The following GUCA1B variants were observed in gnomAD, a reference collection of about 807,000 sequenced individuals.
GUCA1B encodes guanylate cyclase activator 1B, also known as guanylyl cyclase-activating protein 2.
In GUCA1B, 22 loss-of-function variants were observed where a neutral mutation model predicts 24.2. The ratio of observed to expected loss-of-function variants is 0.91; its 90% CI spans 0.65 to 1.30. The LOEUF is 1.30. GUCA1B is among the 50% of genes most tolerant of loss of function. The pLI is 0.00. For missense variants in GUCA1B, 221 were observed against 258.8 expected (o/e 0.85, Z 1.00); for synonymous variants, 100 against 97.9 (o/e 1.02, Z -0.13).
intron 1 of GUCA1B, among the ~76,000 whole-genome samples, chr6:42,193,707 G>A (rs1345255055): frequency 6.6e-6 from 1 of 152,180 alleles, no homozygotes; most frequent in East Asian, 1.9e-4. Flanking sequence ...CTGTGGGGAC[G>A]TGCACTGACT....
chr6:42,190,092 CA>C (rs1177243873), intron 1 of GUCA1B, among the ~76,000 whole-genome samples: 2 of 152,150 alleles, frequency 1.3e-5, no homozygotes, highest in Non-Finnish European at 2.9e-5. Context: ...CCTCAGTGAA[CA>C]AGGTTTGAGC....
chr6:42,188,805 C>T, intron 1 of GUCA1B, 74 bp from the exon 2 acceptor site: 2 of 1,415,114 alleles, frequency 1.4e-6, no homozygotes, highest in East Asian at 2.4e-5. Flanking sequence ...CCTGCAAACA[C>T]AGGGCTTCTC....
chr6:42,194,926 G>C lies in GUCA1B; in HGVS notation c.-106C>G. The C allele has an allele frequency of 1.2e-6, 1 of 804,046 alleles. No individual in the cohort carries two copies. The highest frequency in any genetic ancestry group is 2.1e-6 in the Non-Finnish European group (1 of 477,948). The allele number at this position is 804,046 out of a possible 1,614,324, so 49.8% of individuals were successfully genotyped here. A position where few individuals can be genotyped will look rare whatever the true frequency, so the allele number is the denominator to read the frequency against. On this transcript the variant is annotated 5_prime_UTR_variant, in exon 1 of 4. It adds an upstream start codon to the 5' untranslated region. Coordinates refer to ENST00000230361, the MANE Select transcript of GUCA1B (RefSeq NM_002098.6). ...CTCTTCCTCCCTTTCCAGGAGGCCT[G>C]ATCAGCCTCTCCATCATCTCCTGGG... is the stretch of plus-strand genomic sequence containing the variant.
At chr6:42,187,190 C>T (rs1768206706) in intron 2 of GUCA1B, among the ~76,000 whole-genome samples, 1 of 151,898 alleles carries the variant, frequency 6.6e-6, no homozygotes, top group African/African-American at 2.4e-5. Flanking sequence ...CTGCAAGCTC[C>T]GCCTCCCAGG....
rs140874488 is a variant in GUCA1B at position 42,183,709 on chromosome 6, A to G, written c.*1106T>C. 4.4e-4 allele frequency among the ~76,000 whole-genome samples: 67 copies of G among 152,290 alleles called. No individual in the cohort carries two copies. Among genetic ancestry groups the G allele is most frequent in the African/African-American group, 1.5e-3 (63 of 41,558 alleles). On this transcript the variant is annotated 3_prime_UTR_variant, in exon 4 of 4. Coordinates refer to ENST00000230361, the MANE Select transcript of GUCA1B (RefSeq NM_002098.6). ...CACAATCCCAGTCAACAGTCCCCCA[A>G]TTCTTGCCAGAGACAGACAGAAGTT...
chr6:42,184,852 C>G lies in GUCA1B; in HGVS notation c.566G>C (p.Trp189Ser). 2 of 1,614,092 alleles carry G rather than the reference C, an allele frequency of 1.2e-6. No homozygotes were observed. The highest frequency in any genetic ancestry group is 1.7e-6 in the Non-Finnish European group (2 of 1,179,976). The stretch of plus-strand genomic sequence containing the variant: ...ACTTTTCCGTCTCTGCTGAGCGAGC[C>G]AGCTGCTGGGATTCATGTCCATCTG... ...MLQMDMNPSS[W>S]LAQQRRKSAM... The change falls in exon 4 of 4, where the codon TGG becomes TCG. Residue 189 changes from tryptophan to serine, a missense_variant. Coordinates refer to ENST00000230361, the MANE Select transcript of GUCA1B (RefSeq NM_002098.6).
chr6:42,184,364 T>C lies in GUCA1B; in HGVS notation c.*451A>G, dbSNP rs886061395. The C allele has an allele frequency of 8.8e-5, 23 of 261,910 alleles. No homozygotes were observed. The Admixed American group carries it at 1.1e-3, about 12-fold the overall frequency. 16.2% of individuals were successfully genotyped at this position (261,910 alleles called of 1,614,324 possible). A position where few individuals can be genotyped will look rare whatever the true frequency, so the allele number is the denominator to read the frequency against. On this transcript the variant is annotated 3_prime_UTR_variant, in exon 4 of 4. Transcript: ENST00000230361. ...CCTCGGCCTCCCAAAGTGCTGGGATTACAGGCGTGAGCCACCGTGCCCGGC... is the reference window on the plus strand; with the variant it reads ...CCTCGGCCTCCCAAAGTGCTGGGATCACAGGCGTGAGCCACCGTGCCCGGC...
At position 42,194,613 on chromosome 6, in the gene GUCA1B, C is replaced by A; in HGVS notation, c.207+1G>T. On this transcript the variant is annotated splice_donor_variant, in intron 1 of 3. Transcript: ENST00000230361. LOFTEE classifies it high-confidence loss of function. ...TGGTCCTTCCCTTCAGGGTGCCTTA[C>A]CCCATTCTTGTCGAAGGCTCGGAAC... The A allele has an allele frequency of 6.3e-7, 1 of 1,599,138 alleles. No individual in the cohort carries two copies. The highest frequency in any genetic ancestry group is 8.6e-7 in the Non-Finnish European group (1 of 1,166,254).
chr6:42,184,496 C>T lies in GUCA1B; in HGVS notation c.*319G>A, dbSNP rs1768160243. The T allele has an allele frequency of 2.5e-6, 1 of 404,610 alleles. No individual in the cohort carries two copies. The highest frequency in any genetic ancestry group is 2.0e-5 in the African/African-American group (1 of 48,858). 25.1% of individuals were successfully genotyped at this position (404,610 alleles called of 1,614,324 possible). A position where few individuals can be genotyped will look rare whatever the true frequency, so the allele number is the denominator to read the frequency against. On this transcript the variant is annotated 3_prime_UTR_variant, in exon 4 of 4. Coordinates refer to ENST00000230361, the MANE Select transcript of GUCA1B (RefSeq NM_002098.6). ...TGTGGGACCCTCACCCCTCAGTTGG[C>T]TCTTGCTTCCAACTGAGAACACCCA...
intron 1 of GUCA1B, among the ~76,000 whole-genome samples, chr6:42,194,162 C>T (rs897354474): frequency 2.6e-5 from 4 of 152,336 alleles, no homozygotes; most frequent in Non-Finnish European, 5.9e-5. Context: ...CTCAGAAGAA[C>T]CCCAACAAGA....
At chr6:42,185,114 T>C (rs1202744888) in intron 3 of GUCA1B, among the ~76,000 whole-genome samples, 172 bp from the exon 4 acceptor site, 1 of 152,236 alleles carries the variant, frequency 6.6e-6, no homozygotes, top group Non-Finnish European at 1.5e-5. Context: ...AGGAGTCTCC[T>C]GCCACCTTTA....
intron 1 of GUCA1B, among the ~76,000 whole-genome samples, chr6:42,191,036 G>A (rs1380387393): frequency 1.3e-5 from 2 of 152,100 alleles, no homozygotes; most frequent in Non-Finnish European, 2.9e-5. Flanking sequence ...CGTCCAGCTG[G>A]GACTAATCTC....
In GUCA1B at chr6:42,185,694, T is replaced by A; in HGVS notation, c.461A>T (p.Asp154Val). The A allele has an allele frequency of 6.3e-7, 1 of 1,591,596 alleles. No homozygotes were observed. Among genetic ancestry groups the A allele is most frequent in the South Asian group, 1.1e-5 (1 of 90,664 alleles). The change falls in exon 3 of 4, where the codon GAT (aspartate) becomes GTT (valine). Residue 154 changes from aspartate (D) to valine (V), a missense_variant. By Grantham distance (152) the Asp-to-Val change is radical. Coordinates refer to ENST00000230361, the MANE Select transcript of GUCA1B (RefSeq NM_002098.6). ...EVVDRIFLLVDENGDGQLSLN... is the reference protein window; with the variant it reads ...EVVDRIFLLVVENGDGQLSLN... Reference sequence around the variant, plus strand: ...GCCCCTCTTACCATCTCCATTCTCATCCACCAGGAGGAAGATCCTGTCCAC... The same window carrying A: ...GCCCCTCTTACCATCTCCATTCTCAACCACCAGGAGGAAGATCCTGTCCAC...
At chr6:42,188,902 A>ATCTATCTATCTATC (rs57981170) in intron 1 of GUCA1B, among the ~76,000 whole-genome samples, 171 bp from the exon 2 acceptor site, 38 of 114,744 alleles carry the variant, frequency 3.3e-4, no homozygotes, top group African/African-American at 1.2e-3. Context: ...CTATCTATCT[A>ATCTATCTATCTATC]TATCTATATC....
In GUCA1B at chr6:42,183,947, C is replaced by T. The variant is rs548674194; in HGVS notation, c.*868G>A. Reference sequence around the variant, plus strand: ...AAGACCACAGCCTGCAGCGTATTTGCTGCCATTTTTCCTGTTGACACCACT... The same window carrying T: ...AAGACCACAGCCTGCAGCGTATTTGTTGCCATTTTTCCTGTTGACACCACT... On this transcript the variant is annotated 3_prime_UTR_variant, in exon 4 of 4. Coordinates refer to ENST00000230361, the MANE Select transcript of GUCA1B (RefSeq NM_002098.6). Among the ~76,000 whole-genome samples the T allele has an allele frequency of 4.7e-4, 72 of 152,264 alleles. No individual in the cohort carries two copies. In the Middle Eastern group the frequency reaches 0.01, roughly 22 times the overall value.
chr6:42,192,038 C>CAAAAAAAAAAAAAAAAAAA (rs35283316), intron 1 of GUCA1B, among the ~76,000 whole-genome samples: 1 of 116,886 alleles, frequency 8.6e-6, no homozygotes, highest in Non-Finnish European at 1.7e-5. Flanking sequence ...TATGATCATA[C>CAAAAAAAAAAAAAAAAAAA]AAAAAAAAAA....
At chr6:42,185,313 T>TA (rs1342859881) in intron 3 of GUCA1B, among the ~76,000 whole-genome samples, 3 of 152,220 alleles carry the variant, frequency 2.0e-5, no homozygotes, top group African/African-American at 7.2e-5. Context: ...AGGTCTACCC[T>TA]ATGCCTGCTC....
intron 2 of GUCA1B, among the ~76,000 whole-genome samples, chr6:42,186,488 G>T (rs1768194566): frequency 6.6e-6 from 1 of 152,152 alleles, no homozygotes; most frequent in Non-Finnish European, 1.5e-5. Context: ...ACCTACTCAG[G>T]AGGCTGAGGC....
In GUCA1B at chr6:42,189,058, C is replaced by T. The variant is rs1178606636; in HGVS notation, c.208-327G>A. 2.0e-5 allele frequency among the ~76,000 whole-genome samples: 3 copies of T among 152,134 alleles called. No homozygotes were observed. In the East Asian group the frequency reaches 5.8e-4, roughly 29 times the overall value. ...TTGGCCTCCCAAAGTGTTTGGATTA[C>T]AGGCATAAGCCACCACACCCAGCCT... On this transcript the variant is annotated intron_variant, in intron 1 of 3. Coordinates refer to ENST00000230361, the MANE Select transcript of GUCA1B (RefSeq NM_002098.6).
Sources: gnomAD v4.1 joint callset for allele counts (sites outside exome capture counted in the v4.1 genomes callset) on GRCh38, gnomAD v4.1.1 for gene constraint, MANE v1.5 for transcripts, NCBI Gene and HGNC (gene_info 2026-07-23, HGNC 2026-07-21) for gene names.